Variants in ASTN1 observed in about 807,000 individuals in gnomAD.
ASTN1 encodes astrotactin-1.
Under a neutral mutation model 140.7 loss-of-function variants are expected in ASTN1, and 41 were observed. The ratio of observed to expected loss-of-function variants is 0.29; its 90% CI spans 0.23 to 0.38. The LOEUF is 0.38. Ranked by LOEUF, ASTN1 falls within the 10% of genes least tolerant of loss-of-function variation. The probability of loss-of-function intolerance (pLI) is 1.00; values close to 1 mark genes in which losing one functional copy is unlikely to be tolerated. For synonymous variants in ASTN1, 640 were observed against 652.2 expected, an observed-to-expected ratio of 0.98 and a Z score of 0.29; for missense variants, 1,479 against 1,678.8, an observed-to-expected ratio of 0.88 and a Z score of 2.08.
At chr1:176,912,113 T>C (rs1670267820) in intron 16 of ASTN1, among the ~76,000 whole-genome samples, 1 of 152,200 alleles carries the variant, frequency 6.6e-6, no homozygotes, top group South Asian at 2.1e-4. Context: ...AGGAGACGTA[T>C]GCAAGGGAAG....
chr1:176,961,779 C>G (rs1419898855), intron 9 of ASTN1, among the ~76,000 whole-genome samples: 2 of 152,136 alleles, frequency 1.3e-5, no homozygotes, highest in Non-Finnish European at 2.9e-5. Context: ...CTCATTCATG[C>G]AGATTTGGCA....
chr1:177,102,779 T>C (rs955980049), intron 1 of ASTN1, among the ~76,000 whole-genome samples: 2 of 152,212 alleles, frequency 1.3e-5, no homozygotes, highest in African/African-American at 4.8e-5. Context: ...CCACCTTCAA[T>C]GTGTCTAATT....
At position 177,142,075 on chromosome 1, in the gene ASTN1, G is replaced by T. The variant is rs191476356; in HGVS notation, c.283+22319C>A. ...TCTAGCAGTATTAGAAAAACTACAG[G>T]GAACTACATGTATCACTATACCATG... is the stretch of plus-strand genomic sequence containing the variant. On this transcript the variant is annotated intron_variant, in intron 1 of 22. Coordinates refer to ENST00000361833, the MANE Select transcript of ASTN1 (RefSeq NM_004319.3). 2.8e-3 allele frequency among the ~76,000 whole-genome samples: 421 copies of T among 152,152 alleles called. 1 individual carries two copies. Among genetic ancestry groups the T allele is most frequent in the African/African-American group, 7.9e-3 (328 of 41,516 alleles).
At chr1:176,906,643 C>G (rs141100093) in intron 16 of ASTN1, among the ~76,000 whole-genome samples, 131 of 152,024 alleles carry the variant, frequency 8.6e-4, no homozygotes, top group African/African-American at 3.0e-3. Context: ...CGTTTGAGGT[C>G]AGGAGTTCAA....
chr1:176,881,046 A>C (rs1372130796), intron 20 of ASTN1, among the ~76,000 whole-genome samples: 1 of 152,210 alleles, frequency 6.6e-6, no homozygotes, highest in East Asian at 1.9e-4. Context: ...CTTGCAGCCC[A>C]TGTATTCTTA....
intron 1 of ASTN1, among the ~76,000 whole-genome samples, chr1:177,085,355 GC>G (rs1179846632): frequency 6.6e-6 from 1 of 152,072 alleles, no homozygotes; most frequent in African/African-American, 2.4e-5. Context: ...AAAAAAAATA[GC>G]CCCATGGTTT....
intron 8 of ASTN1, among the ~76,000 whole-genome samples, chr1:177,012,705 T>G (rs1336717054): frequency 6.6e-6 from 1 of 152,176 alleles, no homozygotes; most frequent in Non-Finnish European, 1.5e-5. Flanking sequence ...GATGAAGGCT[T>G]ATGCAATTAT....
Position 177,164,399 on chromosome 1 carries a change from A to G in ASTN1, c.278T>C (p.Val93Ala), listed in dbSNP as rs774948294. 1.3e-6 allele frequency: 2 copies of G among 1,595,616 alleles called. No homozygotes were observed. Among genetic ancestry groups the G allele is most frequent in the Non-Finnish European group, 1.7e-6 (2 of 1,169,556 alleles). ...DLENTELPYF[V>A]LEISGNTEDI... ...CGACCTCCCCCGGGACTCACCCAGCACGAAGTAGGGCAGCTCCGTGTTCTC... is the reference window on the plus strand; with the variant it reads ...CGACCTCCCCCGGGACTCACCCAGCGCGAAGTAGGGCAGCTCCGTGTTCTC... The change falls in exon 1 of 23, where the codon GTG (valine) becomes GCG (alanine). Residue 93 changes from valine to alanine, a missense_variant. Coordinates refer to ENST00000361833, the MANE Select transcript of ASTN1 (RefSeq NM_004319.3).
chr1:176,876,112 T>C (rs1668546817), intron 21 of ASTN1, among the ~76,000 whole-genome samples: 1 of 152,236 alleles, frequency 6.6e-6, no homozygotes, highest in Non-Finnish European at 1.5e-5. Flanking sequence ...TGGGAGGATT[T>C]AGCAATTAAC....
intron 8 of ASTN1, among the ~76,000 whole-genome samples, chr1:177,010,139 T>C (rs543613462): frequency 2.6e-5 from 4 of 152,318 alleles, no homozygotes; most frequent in Admixed American, 2.6e-4. Context: ...AATCAATCTC[T>C]CTTGCCTCCT....
chr1:177,161,689 G>A (rs142159032), intron 1 of ASTN1, among the ~76,000 whole-genome samples: 1 of 152,320 alleles, frequency 6.6e-6, no homozygotes, highest in East Asian at 1.9e-4. Flanking sequence ...GTTAGCCTCA[G>A]TGAAGTGACA....
At chr1:177,062,542 G>A (rs1678151755) in intron 1 of ASTN1, among the ~76,000 whole-genome samples, 1 of 146,044 alleles carries the variant, frequency 6.8e-6, no homozygotes, top group East Asian at 2.0e-4. Context: ...ATATGGCCTG[G>A]CCTTTTTTTT....
chr1:176,876,888 C>T (rs1285786961), intron 20 of ASTN1, among the ~76,000 whole-genome samples: 2 of 152,162 alleles, frequency 1.3e-5, no homozygotes, highest in Non-Finnish European at 2.9e-5. Context: ...AAGCATCTGG[C>T]ATCAGGCACC....
chr1:176,985,889 CACACACAG>C (rs1673880091), intron 8 of ASTN1, among the ~76,000 whole-genome samples: 1 of 150,140 alleles, frequency 6.7e-6, no homozygotes, highest in Admixed American at 6.7e-5. Context: ...CACACACACA[CACACACAG>C]ACAGCCTTTT....
intron 2 of ASTN1, among the ~76,000 whole-genome samples, chr1:177,034,316 A>T (rs1676604058): frequency 6.6e-6 from 1 of 152,012 alleles, no homozygotes; most frequent in African/African-American, 2.4e-5. Context: ...ACAGAGGAGC[A>T]GAGACACGAG....
chr1:177,078,801 A>G (rs1428571504), intron 1 of ASTN1, among the ~76,000 whole-genome samples: 1 of 152,216 alleles, frequency 6.6e-6, no homozygotes, highest in African/African-American at 2.4e-5. Flanking sequence ...TATCAAAGAA[A>G]AGATTTTCTT....
intron 8 of ASTN1, among the ~76,000 whole-genome samples, chr1:176,996,069 C>A (rs1273841636): frequency 2.0e-5 from 3 of 152,158 alleles, no homozygotes; most frequent in Non-Finnish European, 2.9e-5. Flanking sequence ...GGTCCTTGGA[C>A]TTCAGTGCTG....
chr1:177,157,832 T>A (rs921345890), intron 1 of ASTN1, among the ~76,000 whole-genome samples: 3 of 152,210 alleles, frequency 2.0e-5, no homozygotes, highest in African/African-American at 7.2e-5. Flanking sequence ...ATATGTTATT[T>A]TGAATTTATA....
intron 1 of ASTN1, among the ~76,000 whole-genome samples, chr1:177,145,327 G>C (rs2102232458): frequency 6.6e-6 from 1 of 152,194 alleles, no homozygotes; most frequent in South Asian, 2.1e-4. Context: ...GTCTCAATTG[G>C]TCTCCCCTGT....
Sources: gnomAD v4.1 joint callset for allele counts (sites outside exome capture counted in the v4.1 genomes callset) on GRCh38, gnomAD v4.1.1 for gene constraint, MANE v1.5 for transcripts, NCBI Gene and HGNC (gene_info 2026-07-23, HGNC 2026-07-21) for gene names.